Variants in GLI3 observed in about 807,000 individuals in gnomAD.
GLI3 encodes transcription activator GLI3.
Under a neutral mutation model 100.8 loss-of-function variants are expected in GLI3, and 20 were observed. The observed-to-expected ratio is 0.20, with a 90% CI of 0.14 to 0.29. The LOEUF (loss-of-function observed/expected upper bound fraction) is 0.29, where lower values mean the gene tolerates loss of function less well. Ranked by LOEUF, GLI3 falls within the 10% of genes least tolerant of loss-of-function variation. The pLI is 1.00. For synonymous variants in GLI3, 938 were observed against 860.5 expected, an observed-to-expected ratio of 1.09 and a Z score of -1.58; for missense variants, 2,040 against 2,128.5, an observed-to-expected ratio of 0.96 and a Z score of 0.82.
At chr7:42,132,693 C>CTCTCT (rs899164557) in intron 3 of GLI3, among the ~76,000 whole-genome samples, 15 of 152,198 alleles carry the variant, frequency 9.9e-5, no homozygotes, top group Non-Finnish European at 2.1e-4. Context: ...TCTTTATAAC[C>CTCTCT]TCTCAGTGGA....
intron 4 of GLI3, 22 bp from the exon 5 acceptor site, chr7:42,048,718 T>G: frequency 6.7e-7 from 1 of 1,503,724 alleles, no homozygotes; most frequent in Non-Finnish European, 9.2e-7. Flanking sequence ...GAAAACCAGA[T>G]ACAAGGGGTA....
chr7:41,972,597 T>A lies in GLI3; in HGVS notation c.1843A>T (p.Thr615Ser), dbSNP rs200913720. 3.2e-5 allele frequency: 52 copies of A among 1,607,450 alleles called. No homozygotes were observed. The East Asian group carries it at 1.1e-3, about 35-fold the overall frequency. The change falls in exon 13 of 15, where the codon ACT (threonine) becomes TCT (serine). Residue 615 changes from threonine (T) to serine (S), a missense_variant. This residue lies in a region of GLI3 where 61 missense variants were observed against 150.9 expected (regional missense o/e 0.40). Transcript: ENST00000395925. This position sits in a 1 kb window ranked among gnomAD's most constrained non-coding sequence, Gnocchi z 4.4. The part of the protein sequence containing the change: ...KPYVCKIPGC[T>S]KRYTDPSSLR... ...GAGCTTGGGTCTGTGTAACGCTTAG[T>A]GCAGCCTGGGATTTTGCACACATAT...
chr7:42,067,888 G>A (rs1425971251), intron 4 of GLI3, among the ~76,000 whole-genome samples: 1 of 152,234 alleles, frequency 6.6e-6, no homozygotes, highest in Non-Finnish European at 1.5e-5. Context: ...AGTCCCAACT[G>A]AGAACTTTTT....
chr7:42,134,749 G>A (rs1001087246), intron 3 of GLI3, among the ~76,000 whole-genome samples: 2 of 152,016 alleles, frequency 1.3e-5, no homozygotes, highest in African/African-American at 4.8e-5. Flanking sequence ...TATTAGCAAG[G>A]GTCAGGATGA....
At chr7:42,234,948 G>C (rs1788760796) in intron 1 of GLI3, among the ~76,000 whole-genome samples, 2 of 152,166 alleles carry the variant, frequency 1.3e-5, no homozygotes, top group African/African-American at 2.4e-5. Context: ...ACTGGCCAAA[G>C]TGTTTGTGTA....
chr7:41,977,032 G>A (rs1787531748), intron 12 of GLI3, among the ~76,000 whole-genome samples: 1 of 152,192 alleles, frequency 6.6e-6, no homozygotes. Flanking sequence ...AGATCCTTTG[G>A]AATTTAGAAT....
At chr7:42,238,724 C>A (rs1353517911), upstream of GLI3, among the ~76,000 whole-genome samples, 3 of 152,122 alleles carry the variant, frequency 2.0e-5, no homozygotes, top group Non-Finnish European at 4.4e-5. Context: ...TTTAATATAT[C>A]CAACCTGGAC....
chr7:42,003,459 G>A (rs568762054), intron 10 of GLI3, among the ~76,000 whole-genome samples: 1 of 151,992 alleles, frequency 6.6e-6, no homozygotes, highest in South Asian at 2.1e-4. Context: ...AAATAAAAAA[G>A]AAACCACTGA....
intron 10 of GLI3, among the ~76,000 whole-genome samples, chr7:42,011,715 C>T (rs1426470718): frequency 6.6e-6 from 1 of 152,080 alleles, no homozygotes; most frequent in Non-Finnish European, 1.5e-5. Flanking sequence ...ATAAACAAAT[C>T]CATAGAGACA....
intron 10 of GLI3, among the ~76,000 whole-genome samples, chr7:41,983,907 T>C (rs1008766580): frequency 2.0e-5 from 3 of 152,122 alleles, no homozygotes; most frequent in Non-Finnish European, 2.9e-5. Flanking sequence ...CATGAGCCCA[T>C]AGCAAACCAA....
Position 42,126,086 on chromosome 7 carries a change from T to A in GLI3, c.367+22140A>T, listed in dbSNP as rs1208811337. On this transcript the variant is annotated intron_variant, in intron 3 of 14. Coordinates refer to ENST00000395925, the MANE Select transcript of GLI3 (RefSeq NM_000168.6). The stretch of plus-strand genomic sequence containing the variant: ...GAGAAAAATATTTAAAACACACATA[T>A]ACTGCAGGTGAGAAAAGTTTGAAAC... Among the ~76,000 whole-genome samples the A allele has an allele frequency of 2.0e-5, 3 of 152,158 alleles. No individual in the cohort carries two copies. The East Asian group carries it at 5.8e-4, about 29-fold the overall frequency.
chr7:42,201,441 A>T (rs1243875286), intron 2 of GLI3, among the ~76,000 whole-genome samples: 2 of 152,204 alleles, frequency 1.3e-5, no homozygotes, highest in Non-Finnish European at 2.9e-5. Context: ...CAAGACCCAA[A>T]GCTAGTAGGT....
chr7:42,261,037 G>T (rs922930785), intron 1 of GLI3, among the ~76,000 whole-genome samples: 1 of 152,156 alleles, frequency 6.6e-6, no homozygotes, highest in African/African-American at 2.4e-5. Flanking sequence ...AATTCATAAA[G>T]AAAAGAAGTT....
rs189454285 is a variant in GLI3 at position 42,011,065 on chromosome 7, T to C, written c.1497+12403A>G. Among the ~76,000 whole-genome samples the C allele has an allele frequency of 3.3e-5, 5 of 152,340 alleles. No individual in the cohort carries two copies. In the East Asian group the frequency reaches 9.7e-4, roughly 29 times the overall value. On this transcript the variant is annotated intron_variant, in intron 10 of 14. Transcript: ENST00000395925. Reference sequence around the variant, plus strand: ...TACCAGTCTATTTTATTTGTCTGAGTCCACCTAGCCTAATGCTTTGACTAT... The same window carrying C: ...TACCAGTCTATTTTATTTGTCTGAGCCCACCTAGCCTAATGCTTTGACTAT...
intron 10 of GLI3, among the ~76,000 whole-genome samples, chr7:41,999,218 G>A (rs531537476): frequency 6.6e-6 from 1 of 152,058 alleles, no homozygotes; most frequent in Non-Finnish European, 1.5e-5. Context: ...TAACATGGGG[G>A]AAAAATGAAA....
At chr7:42,135,098 T>C (rs1562750691) in intron 3 of GLI3, among the ~76,000 whole-genome samples, 1 of 152,218 alleles carries the variant, frequency 6.6e-6, no homozygotes, top group Non-Finnish European at 1.5e-5. Flanking sequence ...CTTGCTATTT[T>C]ACACTTGTTG....
chr7:42,176,112 G>A (rs1787475083), intron 2 of GLI3, among the ~76,000 whole-genome samples: 1 of 152,166 alleles, frequency 6.6e-6, no homozygotes, highest in African/African-American at 2.4e-5. Flanking sequence ...CAGGCATGGT[G>A]ACCGAAACAG....
intron 4 of GLI3, among the ~76,000 whole-genome samples, chr7:42,073,953 T>G (rs1278841733): frequency 6.6e-6 from 1 of 152,214 alleles, no homozygotes; most frequent in Non-Finnish European, 1.5e-5. Context: ...AAATACGTGC[T>G]TTTAAGATTT....
chr7:42,072,290 GT>G (rs1784798615), intron 4 of GLI3, among the ~76,000 whole-genome samples: 1 of 152,150 alleles, frequency 6.6e-6, no homozygotes, highest in African/African-American at 2.4e-5. Flanking sequence ...ATTAATACTG[GT>G]CCATAAATTA....
Sources: allele counts gnomAD v4.1 joint callset (sites outside exome capture counted in the v4.1 genomes callset), GRCh38; gene constraint gnomAD v4.1.1; regional missense constraint gnomAD v4.1.1; non-coding constraint Gnocchi (gnomAD v3.1); transcripts MANE v1.5; gene names NCBI Gene and HGNC (gene_info 2026-07-23, HGNC 2026-07-21).